Variants in GPC5 observed in about 807,000 individuals in gnomAD.
GPC5 encodes the protein glypican-5.
Under a neutral mutation model 53.9 loss-of-function variants are expected in GPC5, and 47 were observed. The observed-to-expected ratio is 0.87, with a 90% CI of 0.69 to 1.11. GPC5 has a LOEUF of 1.11. GPC5 is among the 50% of genes most tolerant of loss of function. The pLI is 0.00. For synonymous variants in GPC5, 286 were observed against 263.3 expected (o/e 1.09, Z -0.84); for missense variants, 748 against 713.1 (o/e 1.05, Z -0.56).
Position 92,349,229 on chromosome 13 carries a change from C to T in GPC5, c.1561+204240C>T, listed in dbSNP as rs148624605. ...CACGATCTCGGCTCACTGCAACCTC[C>T]ACCTCCCAGGTTCAAGCAATTCTCC... is the stretch of plus-strand genomic sequence containing the variant. On this transcript the variant is annotated intron_variant, in intron 7 of 7. Coordinates refer to ENST00000377067, the MANE Select transcript of GPC5 (RefSeq NM_004466.6). Among the ~76,000 whole-genome samples, 1,005 of 152,192 alleles carry T rather than the reference C, an allele frequency of 6.6e-3. 18 individuals carry two copies. Among genetic ancestry groups the T allele is most frequent in the African/African-American group, 0.023 (949 of 41,528 alleles).
intron 6 of GPC5, among the ~76,000 whole-genome samples, chr13:92,001,155 G>A (rs147382309): frequency 5.8e-4 from 89 of 152,338 alleles, no homozygotes; most frequent in African/African-American, 2.1e-3. Context: ...CAAAGACATT[G>A]AGGGTGAAGT....
chr13:92,395,752 AT>A (rs766361411), intron 7 of GPC5, among the ~76,000 whole-genome samples: 1 of 151,830 alleles, frequency 6.6e-6, no homozygotes, highest in Non-Finnish European at 1.5e-5. Context: ...ATTTCCCTAT[AT>A]CTTCTTGCTT....
rs373914754 is a variant in GPC5, at chr13:92,618,406, T to A, written c.1562-247876T>A. On this transcript the variant is annotated intron_variant, in intron 7 of 7. Transcript: ENST00000377067. ...GCTTAACTTCAGTCACTCTTTATGA[T>A]CTGAGATACTACAGAAGATTACAAA... 2.0e-5 allele frequency among the ~76,000 whole-genome samples: 3 copies of A among 152,066 alleles called. No individual in the cohort carries two copies. In the South Asian group the frequency reaches 6.2e-4, roughly 31 times the overall value.
chr13:91,596,200 G>T (rs1186023415), intron 2 of GPC5, among the ~76,000 whole-genome samples: 1 of 151,884 alleles, frequency 6.6e-6, no homozygotes, highest in African/African-American at 2.4e-5. Flanking sequence ...GTATCTTTTT[G>T]ATATATATTT....
chr13:92,004,707 G>A lies in GPC5; in HGVS notation c.1401+96650G>A, dbSNP rs367726368. Among the ~76,000 whole-genome samples the A allele has an allele frequency of 4.0e-4, 61 of 151,626 alleles. No individual in the cohort carries two copies. In the East Asian group the frequency reaches 9.9e-3, roughly 25 times the overall value. On this transcript the variant is annotated intron_variant, in intron 6 of 7. Transcript: ENST00000377067. ...TAATGGACTCAGTTCCATGTGGATG[G>A]GGAGGCCTCACAATCATGGTGGAAG...
At chr13:92,515,896 A>G (rs911990076) in intron 7 of GPC5, among the ~76,000 whole-genome samples, 10 of 152,228 alleles carry the variant, frequency 6.6e-5, no homozygotes, top group African/African-American at 2.2e-4. Context: ...TTGAAATATT[A>G]CCAATAACTA....
At chr13:91,436,487 T>G (rs899447054) in intron 1 of GPC5, among the ~76,000 whole-genome samples, 1 of 152,196 alleles carries the variant, frequency 6.6e-6, no homozygotes. Context: ...TTCCATGTAG[T>G]TGAGAGGTTT....
chr13:92,745,792 C>CA (rs1566397597), intron 7 of GPC5, among the ~76,000 whole-genome samples: 1 of 151,964 alleles, frequency 6.6e-6, no homozygotes, highest in Admixed American at 6.6e-5. Context: ...AATAAATTTT[C>CA]AAAATCACAT....
At chr13:91,599,913 A>C (rs930262319) in intron 2 of GPC5, among the ~76,000 whole-genome samples, 11 of 152,194 alleles carry the variant, frequency 7.2e-5, no homozygotes, top group Admixed American at 3.9e-4. Context: ...ATAAGCATGT[A>C]TACATAGTTA....
intron 5 of GPC5, among the ~76,000 whole-genome samples, chr13:91,882,308 T>G (rs2039272792): frequency 6.6e-6 from 1 of 152,116 alleles, no homozygotes; most frequent in African/African-American, 2.4e-5. Context: ...CTTCACATAT[T>G]CTTGTATATA....
chr13:92,103,802 G>A (rs1998872), intron 6 of GPC5, among the ~76,000 whole-genome samples: 71,083 of 151,928 alleles, frequency 0.47, 17,058 homozygotes, highest in African/African-American at 0.54. Context: ...TTTGAGCCTC[G>A]AGGTCAGCCA....
At chr13:91,757,199 T>C (rs1158374485) in intron 5 of GPC5, among the ~76,000 whole-genome samples, 1 of 152,124 alleles carries the variant, frequency 6.6e-6, no homozygotes, top group Non-Finnish European at 1.5e-5. Context: ...TTGCCAATAC[T>C]GGTGGTTATT....
Position 91,756,234 on chromosome 13 carries a change from T to G in GPC5, c.1155-61T>G, listed in dbSNP as rs962260109. ...ACATTATGTATAACAATACATATCA[T>G]TTTTGATGGCCTTTATTGTGGATGT... is the stretch of plus-strand genomic sequence containing the variant. On this transcript the variant is annotated intron_variant, in intron 4 of 7. Coordinates refer to ENST00000377067, the MANE Select transcript of GPC5 (RefSeq NM_004466.6). The G allele has an allele frequency of 3.8e-6, 5 of 1,302,778 alleles. No individual in the cohort carries two copies. The African/African-American group carries it at 5.8e-5, about 15-fold the overall frequency. The allele number at this position is 1,302,778 out of a possible 1,614,324, so 80.7% of individuals were successfully genotyped here. A position where few individuals can be genotyped will look rare whatever the true frequency, so the allele number is the denominator to read the frequency against.
At chr13:92,683,557 G>A (rs1887168151) in intron 7 of GPC5, among the ~76,000 whole-genome samples, 1 of 152,098 alleles carries the variant, frequency 6.6e-6, no homozygotes, top group South Asian at 2.1e-4. Flanking sequence ...GGATTGATGT[G>A]GGTTATTTCA....
chr13:92,182,413 T>C (rs73624809), intron 7 of GPC5, among the ~76,000 whole-genome samples: 2,366 of 152,270 alleles, frequency 0.016, 51 homozygotes, highest in African/African-American at 0.054. Context: ...AACTGATAAC[T>C]CAATGTTTTG....
intron 6 of GPC5, among the ~76,000 whole-genome samples, chr13:91,913,322 C>G (rs554815613): frequency 5.7e-4 from 87 of 151,544 alleles, no homozygotes; most frequent in African/African-American, 2.0e-3. Flanking sequence ...TCGCTTGAAC[C>G]CGGGAGATGG....
intron 7 of GPC5, among the ~76,000 whole-genome samples, chr13:92,673,778 G>T (rs1566356981): frequency 6.6e-6 from 1 of 152,034 alleles, no homozygotes; most frequent in Non-Finnish European, 1.5e-5. Flanking sequence ...CTGACCCTTT[G>T]TTAAAATAGC....
chr13:92,733,921 T>C (rs1888872525), intron 7 of GPC5, among the ~76,000 whole-genome samples: 1 of 151,766 alleles, frequency 6.6e-6, no homozygotes, highest in Non-Finnish European at 1.5e-5. Context: ...TTTAATACAT[T>C]GGAAAATTGC....
At chr13:92,181,574 G>C (rs2042147578) in intron 7 of GPC5, among the ~76,000 whole-genome samples, 1 of 152,114 alleles carries the variant, frequency 6.6e-6, no homozygotes, top group Non-Finnish European at 1.5e-5. Context: ...GTGCACATGT[G>C]GATTGTGTAA....
Sources: gnomAD v4.1 joint callset for allele counts (sites outside exome capture counted in the v4.1 genomes callset) on GRCh38, gnomAD v4.1.1 for gene constraint, MANE v1.5 for transcripts, NCBI Gene and HGNC (gene_info 2026-07-23, HGNC 2026-07-21) for gene names.